Variants in CACNA2D3 observed in about 807,000 individuals in gnomAD.
The protein encoded by CACNA2D3 is calcium voltage-gated channel auxiliary subunit alpha2delta 3, also known as voltage-dependent calcium channel subunit alpha-2/delta-3.
A neutral mutation model predicts 160.6 loss-of-function variants in CACNA2D3; 60 were observed. That is an observed-to-expected ratio of 0.37 (90% CI 0.30 to 0.46). The LOEUF is 0.46. Ranked by LOEUF, CACNA2D3 falls within the 20% of genes least tolerant of loss-of-function variation. CACNA2D3 has a pLI of 1.00. For missense variants in CACNA2D3, 1,205 were observed against 1,365.0 expected (o/e 0.88, Z 1.85); for synonymous variants, 558 against 492.9 (o/e 1.13, Z -1.75).
At chr3:54,810,777 A>G (rs796946435) in intron 13 of CACNA2D3, among the ~76,000 whole-genome samples, 84 of 152,350 alleles carry the variant, frequency 5.5e-4, no homozygotes, top group Admixed American at 4.0e-3. Flanking sequence ...TCGTTGAGCT[A>G]GAGCACTAGA....
chr3:54,149,941 C>T (rs1700114531), intron 2 of CACNA2D3, among the ~76,000 whole-genome samples: 1 of 119,676 alleles, frequency 8.4e-6, no homozygotes. Context: ...CCCTCCCTCC[C>T]TCCCTCCCTC....
chr3:54,620,007 C>T (rs1443690457), intron 9 of CACNA2D3, among the ~76,000 whole-genome samples: 1 of 152,112 alleles, frequency 6.6e-6, no homozygotes, highest in Non-Finnish European at 1.5e-5. Flanking sequence ...GGTGTAATAT[C>T]CAAATCAGCG....
At chr3:54,492,711 T>G (rs1329912353) in intron 4 of CACNA2D3, among the ~76,000 whole-genome samples, 1 of 152,228 alleles carries the variant, frequency 6.6e-6, no homozygotes, top group Non-Finnish European at 1.5e-5. Context: ...GGTTAAAGGC[T>G]CTGATAAGTC....
chr3:54,734,683 A>G (rs1271744666), intron 11 of CACNA2D3, among the ~76,000 whole-genome samples: 1 of 152,200 alleles, frequency 6.6e-6, no homozygotes, highest in African/African-American at 2.4e-5. Context: ...ACTTTGCTAC[A>G]TTGTCTTCCA....
At chr3:54,866,945 T>G (rs1481559219) in intron 17 of CACNA2D3, among the ~76,000 whole-genome samples, 1 of 152,242 alleles carries the variant, frequency 6.6e-6, no homozygotes, top group Non-Finnish European at 1.5e-5. Context: ...ATATCTTTCC[T>G]TATTAAACTC....
At chr3:54,819,377 C>T (rs1432178176) in intron 14 of CACNA2D3, among the ~76,000 whole-genome samples, 1 of 152,164 alleles carries the variant, frequency 6.6e-6, no homozygotes, top group Non-Finnish European at 1.5e-5. Flanking sequence ...GTTCTTATTA[C>T]GACTTGGCTT....
intron 4 of CACNA2D3, among the ~76,000 whole-genome samples, chr3:54,409,403 C>T (rs1271963875): frequency 6.6e-6 from 1 of 152,186 alleles, no homozygotes; most frequent in Non-Finnish European, 1.5e-5. Context: ...GCCATTCCCT[C>T]ATCTCTCTCC....
Position 54,996,500 on chromosome 3 carries a change from G to A in CACNA2D3, c.2691-8263G>A, listed in dbSNP as rs533269561. Among the ~76,000 whole-genome samples the A allele has an allele frequency of 1.5e-4, 23 of 152,264 alleles. No individual in the cohort carries two copies. The South Asian group carries it at 4.4e-3, about 29-fold the overall frequency. ...AAATGCGGTTGGTAGAGCAACATCC[G>A]CTCTGAGTGGGGACAGGGACTGTCT... On this transcript the variant is annotated intron_variant, in intron 31 of 37. Coordinates refer to ENST00000474759, the MANE Select transcript of CACNA2D3 (RefSeq NM_018398.3).
rs769586161 is a variant in CACNA2D3, at chr3:54,425,787, G to T, written c.381+39013G>T. ...GGTCAGGCCCTAAGGCTAGAGAAGG[G>T]ATGAGTTCCCTGCCCCGGAGCATCC... On this transcript the variant is annotated intron_variant, in intron 4 of 37. Coordinates refer to ENST00000474759, the MANE Select transcript of CACNA2D3 (RefSeq NM_018398.3). Among the ~76,000 whole-genome samples, 12 of 152,352 alleles carry T rather than the reference G, an allele frequency of 7.9e-5. No homozygotes were observed. In the South Asian group the frequency reaches 2.5e-3, roughly 32 times the overall value.
At chr3:54,794,046 C>T (rs1295952971) in intron 13 of CACNA2D3, among the ~76,000 whole-genome samples, 2 of 152,062 alleles carry the variant, frequency 1.3e-5, no homozygotes, top group Non-Finnish European at 2.9e-5. Flanking sequence ...CTTTTAATGT[C>T]TTCAAGATCT....
At chr3:54,582,300 C>T (rs995858059) in intron 9 of CACNA2D3, among the ~76,000 whole-genome samples, 1 of 152,130 alleles carries the variant, frequency 6.6e-6, no homozygotes, top group East Asian at 1.9e-4. Flanking sequence ...GTAAGCTTTT[C>T]AAGGATAGGA....
At chr3:54,158,357 C>T (rs1160812938) in intron 2 of CACNA2D3, among the ~76,000 whole-genome samples, 1 of 152,130 alleles carries the variant, frequency 6.6e-6, no homozygotes, top group Non-Finnish European at 1.5e-5. Flanking sequence ...CATCGATTCT[C>T]TCTTTGAACA....
intron 27 of CACNA2D3, among the ~76,000 whole-genome samples, chr3:54,956,614 C>A: frequency 6.6e-6 from 1 of 150,418 alleles, no homozygotes; most frequent in East Asian, 1.9e-4. Flanking sequence ...TCCTGCTCAT[C>A]CTACAGACCC....
intron 2 of CACNA2D3, among the ~76,000 whole-genome samples, chr3:54,257,072 T>C (rs992369302): frequency 1.3e-4 from 20 of 152,212 alleles, no homozygotes; most frequent in Admixed American, 1.0e-3. Flanking sequence ...TTAAGAACTT[T>C]CCAGAATATT....
At chr3:54,974,012 C>T (rs763684639) in intron 29 of CACNA2D3, among the ~76,000 whole-genome samples, 12 of 152,128 alleles carry the variant, frequency 7.9e-5, no homozygotes, top group Non-Finnish European at 1.2e-4. Context: ...CAAATGAAGA[C>T]AACAGGCAGT....
intron 29 of CACNA2D3, among the ~76,000 whole-genome samples, chr3:54,974,134 G>C (rs1200740683): frequency 6.6e-6 from 1 of 152,204 alleles, no homozygotes; most frequent in Non-Finnish European, 1.5e-5. Context: ...CTCCTGCTAT[G>C]AACTATGTAA....
At chr3:54,635,837 G>A (rs1448278132) in intron 10 of CACNA2D3, among the ~76,000 whole-genome samples, 3 of 151,958 alleles carry the variant, frequency 2.0e-5, no homozygotes, top group African/African-American at 7.3e-5. Context: ...ACTGTATTGA[G>A]GTGGGAAGGC....
intron 2 of CACNA2D3, among the ~76,000 whole-genome samples, chr3:54,292,454 T>C (rs1703232625): frequency 6.6e-6 from 1 of 152,098 alleles, no homozygotes; most frequent in Admixed American, 6.5e-5. Flanking sequence ...TTCTAGAATA[T>C]ACCAAAAACC....
intron 5 of CACNA2D3, among the ~76,000 whole-genome samples, chr3:54,553,763 T>C (rs1702196541): frequency 6.6e-6 from 1 of 152,204 alleles, no homozygotes; most frequent in South Asian, 2.1e-4. Context: ...ATCAAGTGTG[T>C]ATCAGATGAC....
Sources: allele counts gnomAD v4.1 joint callset (sites outside exome capture counted in the v4.1 genomes callset), GRCh38; gene constraint gnomAD v4.1.1; transcripts MANE v1.5; gene names NCBI Gene and HGNC (gene_info 2026-07-23, HGNC 2026-07-21).